OAT: variants seen among roughly 807,000 people sequenced by gnomAD.
OAT encodes ornithine aminotransferase, mitochondrial.
A neutral mutation model predicts 48.4 loss-of-function variants in OAT; 35 were observed. The ratio of observed to expected loss-of-function variants is 0.72; its 90% CI spans 0.55 to 0.96. The LOEUF (loss-of-function observed/expected upper bound fraction) is 0.96, where lower values mean the gene tolerates loss of function less well. Ranked by LOEUF, OAT falls within the 40% of genes least tolerant of loss-of-function variation. The pLI, the probability that OAT is intolerant of heterozygous loss-of-function variation, is 0.00. For missense variants in OAT, 438 were observed against 537.9 expected (o/e 0.81, Z 1.84); for synonymous variants, 182 against 198.4 (o/e 0.92, Z 0.70).
chr10:124,402,830 C>G (rs1951449286), intron 7 of OAT, 97 bp downstream of exon 7: 1 of 1,518,610 alleles, frequency 6.6e-7, no homozygotes, highest in African/African-American at 1.4e-5. Flanking sequence ...ATCAAACAAT[C>G]TGAAAGCATT....
intron 1 of OAT, among the ~76,000 whole-genome samples, chr10:124,417,554 G>C (rs1951958869): frequency 6.6e-6 from 1 of 152,090 alleles, no homozygotes; most frequent in Non-Finnish European, 1.5e-5. Context: ...CATAATACTG[G>C]GATTACACAG....
intron 2 of OAT, 88 bp from the exon 3 acceptor site, chr10:124,409,053 A>ATTTT: frequency 1.2e-6 from 1 of 831,298 alleles, no homozygotes; most frequent in Non-Finnish European, 2.0e-6. Context: ...AGCCCTCTGA[A>ATTTT]TGCCTATATA....
At position 124,408,867 on chromosome 10, in the gene OAT, C is replaced by A. The variant is rs747038352; in HGVS notation, c.298G>T (p.Ala100Ser). The A allele has an allele frequency of 3.8e-5, 61 of 1,613,316 alleles. No individual in the cohort carries two copies. Among genetic ancestry groups the A allele is most frequent in the Non-Finnish European group, 5.1e-5 (60 of 1,179,958 alleles). ...QGHCHPKIVN[A>S]LKSQVDKLTL... is the part of the protein sequence containing the mutation. ...AATTTGTCCACTTGACTCTTCAGAG[C>A]ATTCACAATCTTGGGGTGACAATGC... The change falls in exon 3 of 10, where the codon GCT becomes TCT. Residue 100 changes from alanine (A) to serine (S), a missense_variant. Ala to Ser is a moderately conservative substitution (Grantham distance 99). Transcript: ENST00000368845.
chr10:124,418,403 C>CCTTG (rs1476779855), intron 1 of OAT, among the ~76,000 whole-genome samples: 4 of 152,190 alleles, frequency 2.6e-5, no homozygotes, highest in Non-Finnish European at 5.9e-5. Flanking sequence ...ACCCCAGGAA[C>CCTTG]CAAGGGTGCC....
At chr10:124,406,009 A>G in intron 4 of OAT, 3 of 1,046,612 alleles carry the variant, frequency 2.9e-6, no homozygotes, top group Non-Finnish European at 3.5e-6. Context: ...CAGGCTAACA[A>G]CAGAATGCAT....
chr10:124,416,046 T>C (rs1198077180), intron 1 of OAT, among the ~76,000 whole-genome samples: 1 of 152,242 alleles, frequency 6.6e-6, no homozygotes, highest in Admixed American at 6.5e-5. Context: ...GGTTATTTTT[T>C]CTATGCATAA....
At chr10:124,412,950 G>A (rs1431905133) in intron 1 of OAT, among the ~76,000 whole-genome samples, 1 of 152,196 alleles carries the variant, frequency 6.6e-6, no homozygotes, top group Non-Finnish European at 1.5e-5. Flanking sequence ...GCAGAGACCA[G>A]AGGCAGGGAG....
At chr10:124,408,682 T>A in intron 3 of OAT, 45 bp from the exon 4 acceptor site, 1 of 1,582,602 alleles carries the variant, frequency 6.3e-7, no homozygotes, top group South Asian at 1.1e-5. Flanking sequence ...AATGTTAAAC[T>A]ATCAAAAAAT....
chr10:124,411,946 G>C (rs773960929), intron 2 of OAT, 27 bp downstream of exon 2: 14 of 1,605,912 alleles, frequency 8.7e-6, no homozygotes, highest in Non-Finnish European at 1.2e-5. Context: ...CAAGAAAAGG[G>C]AAAAGACGGA....
intron 4 of OAT, among the ~76,000 whole-genome samples, chr10:124,406,713 G>A (rs1012654160): frequency 1.3e-5 from 2 of 151,366 alleles, no homozygotes; most frequent in African/African-American, 4.9e-5. Flanking sequence ...CTACACAGGA[G>A]GCTGAGGCAG....
At chr10:124,402,244 C>T (rs938606332) in intron 7 of OAT, among the ~76,000 whole-genome samples, 1 of 152,110 alleles carries the variant, frequency 6.6e-6, no homozygotes, top group Admixed American at 6.6e-5. Flanking sequence ...TTTACATCTG[C>T]CAACCTAACT....
intron 2 of OAT, among the ~76,000 whole-genome samples, chr10:124,410,043 T>C (rs1951703648): frequency 6.6e-6 from 1 of 152,218 alleles, no homozygotes; most frequent in Non-Finnish European, 1.5e-5. Context: ...ACAGTACTGG[T>C]ACCAAATAAA....
intron 1 of OAT, among the ~76,000 whole-genome samples, chr10:124,417,487 G>A (rs1386192883): frequency 6.6e-6 from 1 of 152,006 alleles, no homozygotes; most frequent in African/African-American, 2.4e-5. Context: ...GTTTCACCAT[G>A]TTGGCCAGGC....
chr10:124,402,391 C>T (rs182710110), intron 7 of OAT, among the ~76,000 whole-genome samples: 11 of 152,328 alleles, frequency 7.2e-5, no homozygotes, highest in Admixed American at 7.2e-4. Flanking sequence ...TTCACAATCA[C>T]TTCCAACGTC....
At position 124,408,729 on chromosome 10, in the gene OAT, G is replaced by A. The variant is rs1951672675; in HGVS notation, c.424+12C>T. ...TTTTGAGGGTATTTAACAAAAAAAG[G>A]AAATGTTTTACCTGTATTCATAGGA... On this transcript the variant is annotated intron_variant, in intron 3 of 9. Coordinates refer to ENST00000368845, the MANE Select transcript of OAT (RefSeq NM_000274.4). 1 of 1,593,674 alleles carries A rather than the reference G, an allele frequency of 6.3e-7. No homozygotes were observed. Among genetic ancestry groups the A allele is most frequent in the Non-Finnish European group, 8.6e-7 (1 of 1,162,236 alleles).
At chr10:124,398,362 G>T (rs1289481244) in intron 9 of OAT, among the ~76,000 whole-genome samples, 1 of 151,876 alleles carries the variant, frequency 6.6e-6, no homozygotes, top group Admixed American at 6.6e-5. Flanking sequence ...ACAAAAATTA[G>T]CTGGGCATCA....
chr10:124,407,858 C>T (rs751656338), intron 4 of OAT, among the ~76,000 whole-genome samples: 8 of 152,126 alleles, frequency 5.3e-5, no homozygotes, highest in Non-Finnish European at 1.2e-4. Flanking sequence ...TCCTTTCATC[C>T]AGTCCCAGAA....
intron 4 of OAT, among the ~76,000 whole-genome samples, chr10:124,408,058 C>T (rs1329631412): frequency 1.3e-5 from 2 of 151,672 alleles, no homozygotes; most frequent in Admixed American, 6.6e-5. Context: ...TGGATAACTG[C>T]TATGAAAAAA....
chr10:124,409,869 T>C (rs917410248), intron 2 of OAT, among the ~76,000 whole-genome samples: 13 of 152,200 alleles, frequency 8.5e-5, no homozygotes, highest in Non-Finnish European at 1.9e-4. Flanking sequence ...CACAATGAGA[T>C]ACCATCTCAT....
Sources: allele counts gnomAD v4.1 joint callset (sites outside exome capture counted in the v4.1 genomes callset), GRCh38; gene constraint gnomAD v4.1.1; transcripts MANE v1.5; gene names NCBI Gene and HGNC (gene_info 2026-07-23, HGNC 2026-07-21).